ZC2HC1A: variants seen among roughly 807,000 people sequenced by gnomAD.
The protein encoded by ZC2HC1A is zinc finger C2HC domain-containing protein 1A.
Under a neutral mutation model 40.7 loss-of-function variants are expected in ZC2HC1A, and 28 were observed. That is an observed-to-expected ratio of 0.69 (90% confidence interval 0.51 to 0.94). The LOEUF (loss-of-function observed/expected upper bound fraction) is 0.94. ZC2HC1A is among the 40% of genes least tolerant of loss of function. The pLI is 0.00. For missense variants in ZC2HC1A, 389 were observed against 386.3 expected, an observed-to-expected ratio of 1.01 and a Z score of -0.06; for synonymous variants, 129 against 129.2, an observed-to-expected ratio of 1.00 and a Z score of 0.01.
At chr8:78,715,523 C>T (rs1255247747) in intron 8 of ZC2HC1A, among the ~76,000 whole-genome samples, 195 bp downstream of exon 8, 3 of 152,104 alleles carry the variant, frequency 2.0e-5, no homozygotes, top group Admixed American at 1.3e-4. Context: ...AGGATTAACC[C>T]TTCTACATGC....
rs201457460 is a variant in ZC2HC1A at position 78,701,654 on chromosome 8, G to T, written c.704+3141G>T. ...ATTCGTCATAAGTGGCTAATATTTT[G>T]AGGTATGTTCCTGCAATACCTAGTT... is the stretch of plus-strand genomic sequence containing the variant. On this transcript the variant is annotated intron_variant, in intron 7 of 8. Transcript: ENST00000263849. Among the ~76,000 whole-genome samples, 13 of 152,276 alleles carry T rather than the reference G, an allele frequency of 8.5e-5. No homozygotes were observed. In the East Asian group the frequency reaches 2.3e-3, roughly 27 times the overall value.
rs141353147 is a variant in ZC2HC1A at position 78,672,605 on chromosome 8, G to A, written c.17-3182G>A. On this transcript the variant is annotated intron_variant, in intron 1 of 8. Coordinates refer to ENST00000263849, the MANE Select transcript of ZC2HC1A (RefSeq NM_016010.3). ...TGTTTTTAAGGTTTAGTAATTTACC[G>A]TAGAGATAACCTTTAAGATAAAAGA... Among the ~76,000 whole-genome samples, 547 of 152,136 alleles carry A rather than the reference G, an allele frequency of 3.6e-3. 3 individuals carry two copies. Among genetic ancestry groups the A allele is most frequent in the African/African-American group, 0.012 (508 of 41,512 alleles).
intron 7 of ZC2HC1A, among the ~76,000 whole-genome samples, chr8:78,713,271 T>C (rs532935630): frequency 1.8e-4 from 28 of 152,254 alleles, no homozygotes; most frequent in African/African-American, 6.3e-4. Flanking sequence ...AAGGCCATTC[T>C]AGATGTTACT....
chr8:78,699,509 G>T (rs1810533749), intron 7 of ZC2HC1A, among the ~76,000 whole-genome samples: 1 of 151,978 alleles, frequency 6.6e-6, no homozygotes, highest in South Asian at 2.1e-4. Flanking sequence ...GTGCAGGTTT[G>T]TTACATAGGT....
At chr8:78,671,149 C>T (rs1298612966) in intron 1 of ZC2HC1A, among the ~76,000 whole-genome samples, 1 of 152,094 alleles carries the variant, frequency 6.6e-6, no homozygotes, top group Non-Finnish European at 1.5e-5. Flanking sequence ...TAAATGTATG[C>T]ATTTTAAAAT....
intron 3 of ZC2HC1A, among the ~76,000 whole-genome samples, chr8:78,682,709 C>T (rs112805262): frequency 0.037 from 5,613 of 152,246 alleles, 315 homozygotes; most frequent in African/African-American, 0.13. Context: ...CAAAACCAAT[C>T]ATGCCTTCCC....
intron 7 of ZC2HC1A, among the ~76,000 whole-genome samples, chr8:78,701,537 T>C (rs1209331171): frequency 6.6e-6 from 1 of 152,196 alleles, no homozygotes; most frequent in African/African-American, 2.4e-5. Context: ...CTATGTTGAA[T>C]AGGAGTGGTG....
intron 4 of ZC2HC1A, 76 bp from the exon 5 acceptor site, chr8:78,689,146 C>T: frequency 8.9e-7 from 1 of 1,119,970 alleles, no homozygotes; most frequent in South Asian, 3.2e-5. Context: ...TGAATGACTG[C>T]ATAGAAACTT....
At chr8:78,711,264 A>G (rs1216267414) in intron 7 of ZC2HC1A, among the ~76,000 whole-genome samples, 1 of 152,134 alleles carries the variant, frequency 6.6e-6, no homozygotes, top group Non-Finnish European at 1.5e-5. Context: ...GATAGTTTAT[A>G]TGATTCAGTT....
chr8:78,698,273 G>T, intron 6 of ZC2HC1A, 141 bp from the exon 7 acceptor site: 1 of 630,068 alleles, frequency 1.6e-6, no homozygotes, highest in Non-Finnish European at 2.6e-6. Flanking sequence ...CTCTGGAAAT[G>T]CCATTTAAAA....
intron 3 of ZC2HC1A, among the ~76,000 whole-genome samples, chr8:78,684,139 A>G (rs1019299086): frequency 2.2e-4 from 33 of 152,308 alleles, no homozygotes; most frequent in Middle Eastern, 3.4e-3. Context: ...AGTTGCTTAC[A>G]CATTTTGGGG....
chr8:78,687,335 T>C (rs1585995108), intron 4 of ZC2HC1A, among the ~76,000 whole-genome samples: 1 of 151,610 alleles, frequency 6.6e-6, no homozygotes, highest in East Asian at 1.9e-4. Context: ...AATCTAGATA[T>C]GATCGTTTTT....
intron 1 of ZC2HC1A, 37 bp from the exon 2 acceptor site, chr8:78,675,750 T>A (rs778395287): frequency 6.7e-7 from 1 of 1,497,898 alleles, no homozygotes; most frequent in Non-Finnish European, 9.2e-7. Flanking sequence ...CAATTTCAAG[T>A]TATATAAATT....
intron 2 of ZC2HC1A, among the ~76,000 whole-genome samples, chr8:78,676,510 C>T (rs1044101972): frequency 3.3e-5 from 5 of 151,944 alleles, no homozygotes; most frequent in African/African-American, 4.8e-5. Context: ...ATGTACCTTA[C>T]GTATTTTAAC....
At chr8:78,678,451 A>T in intron 2 of ZC2HC1A, 112 bp from the exon 3 acceptor site, 2 of 732,768 alleles carry the variant, frequency 2.7e-6, no homozygotes, top group Non-Finnish European at 2.3e-6. Flanking sequence ...TTTTGTATTC[A>T]GGTTTTTCAT....
At chr8:78,702,961 A>C (rs1300125920) in intron 7 of ZC2HC1A, among the ~76,000 whole-genome samples, 1 of 152,006 alleles carries the variant, frequency 6.6e-6, no homozygotes. Flanking sequence ...CTGTGGCATG[A>C]TCTTGGCTCG....
intron 7 of ZC2HC1A, among the ~76,000 whole-genome samples, chr8:78,714,728 A>G (rs1811045992): frequency 6.6e-6 from 1 of 152,194 alleles, no homozygotes; most frequent in African/African-American, 2.4e-5. Context: ...AGGGAATATT[A>G]TATTAACTCA....
At chr8:78,690,293 C>T (rs1015569510) in intron 5 of ZC2HC1A, among the ~76,000 whole-genome samples, 3 of 152,212 alleles carry the variant, frequency 2.0e-5, no homozygotes, top group African/African-American at 7.2e-5. Context: ...GGTGCAGTGG[C>T]TCCCGCCTTT....
In ZC2HC1A at chr8:78,697,998, T is replaced by C. The variant is rs1302541614; in HGVS notation, c.605-416T>C. Among the ~76,000 whole-genome samples, 3 of 152,154 alleles carry C rather than the reference T, an allele frequency of 2.0e-5. No individual in the cohort carries two copies. The East Asian group carries it at 5.8e-4, about 29-fold the overall frequency. On this transcript the variant is annotated intron_variant, in intron 6 of 8. Transcript: ENST00000263849. ...GCCGAGCCACTTTTTTGTTGTTTTT[T>C]TCAGCTTAAATGTTGGCCCCAGATG...
Sources: allele counts gnomAD v4.1 joint callset (sites outside exome capture counted in the v4.1 genomes callset), GRCh38; gene constraint gnomAD v4.1.1; transcripts MANE v1.5; gene names NCBI Gene and HGNC (gene_info 2026-07-23, HGNC 2026-07-21).